Variants in MDGA2 observed in about 807,000 individuals in gnomAD.
MDGA2 encodes MAM domain containing glycosylphosphatidylinositol anchor 2, also known as MAM domain-containing glycosylphosphatidylinositol anchor protein 2.
In MDGA2, 40 loss-of-function variants were observed where a neutral mutation model predicts 117.8. The observed-to-expected ratio is 0.34, with a 90% CI of 0.26 to 0.44. MDGA2 has a LOEUF of 0.44. MDGA2 is among the 20% of genes least tolerant of loss of function. The pLI is 1.00. For missense variants in MDGA2, 1,123 were observed against 1,250.6 expected (o/e 0.90, Z 1.54); for synonymous variants, 452 against 439.0 (o/e 1.03, Z -0.37).
intron 1 of MDGA2, among the ~76,000 whole-genome samples, chr14:47,413,529 A>G (rs1365514967): frequency 6.6e-6 from 1 of 152,212 alleles, no homozygotes; most frequent in Non-Finnish European, 1.5e-5. Context: ...TTTGCTAAAT[A>G]ATTGGAAAGA....
intron 3 of MDGA2, among the ~76,000 whole-genome samples, chr14:47,155,413 C>G (rs1422942670): frequency 1.3e-5 from 2 of 152,094 alleles, no homozygotes; most frequent in African/African-American, 4.8e-5. Context: ...AAACCCAGAC[C>G]TAGCAGCTCC....
chr14:47,626,176 C>A (rs1897135202), intron 1 of MDGA2, among the ~76,000 whole-genome samples: 1 of 152,196 alleles, frequency 6.6e-6, no homozygotes, highest in Non-Finnish European at 1.5e-5. Flanking sequence ...AGGCTGAATC[C>A]ATTTTCTACA....
At chr14:47,182,378 G>A (rs1443743080) in intron 3 of MDGA2, among the ~76,000 whole-genome samples, 1 of 152,052 alleles carries the variant, frequency 6.6e-6, no homozygotes. Context: ...CTTTAAGGAT[G>A]TAATTAAAGT....
At chr14:47,497,744 A>T (rs1566485839) in intron 1 of MDGA2, among the ~76,000 whole-genome samples, 2 of 152,198 alleles carry the variant, frequency 1.3e-5, no homozygotes, top group African/African-American at 4.8e-5. Flanking sequence ...AATAAAATTT[A>T]AAAATAAACA....
intron 9 of MDGA2, among the ~76,000 whole-genome samples, chr14:46,949,644 A>G (rs987258150): frequency 1.3e-5 from 2 of 152,022 alleles, no homozygotes; most frequent in Admixed American, 1.3e-4. Context: ...CACTTAGAAT[A>G]ATGGCTTCCA....
chr14:47,395,408 T>C (rs1891986523), intron 1 of MDGA2, among the ~76,000 whole-genome samples: 1 of 152,202 alleles, frequency 6.6e-6, no homozygotes. Context: ...ATGAGGCATA[T>C]TATAATATAT....
chr14:47,081,015 G>A (rs1441379056), intron 6 of MDGA2, among the ~76,000 whole-genome samples: 1 of 151,910 alleles, frequency 6.6e-6, no homozygotes, highest in African/African-American at 2.4e-5. Flanking sequence ...GCCAAAATGT[G>A]CCTTCTTACT....
chr14:47,037,591 A>G (rs903075693), intron 7 of MDGA2, among the ~76,000 whole-genome samples: 5 of 152,158 alleles, frequency 3.3e-5, no homozygotes, highest in African/African-American at 1.2e-4. Flanking sequence ...TACAGTAAGT[A>G]TTTTGCAAAT....
At chr14:47,177,969 A>C (rs1046115454) in intron 3 of MDGA2, among the ~76,000 whole-genome samples, 1 of 152,134 alleles carries the variant, frequency 6.6e-6, no homozygotes, top group Admixed American at 6.6e-5. Flanking sequence ...GCAAATATAT[A>C]TAGTAATATT....
At position 47,024,955 on chromosome 14, in the gene MDGA2, C is replaced by T. The variant is rs141129281; in HGVS notation, c.1819+10056G>A. Among the ~76,000 whole-genome samples the T allele has an allele frequency of 7.9e-5, 12 of 152,276 alleles. No homozygotes were observed. In the East Asian group the frequency reaches 2.3e-3, roughly 29 times the overall value. ...CATGGAACAGCATGAAATACAGCTA[C>T]TCCCTGCCAAACCCAGACACAAAGC... On this transcript the variant is annotated intron_variant, in intron 8 of 16. Transcript: ENST00000399232.
At chr14:47,208,779 A>G (rs1885778651) in intron 3 of MDGA2, among the ~76,000 whole-genome samples, 1 of 151,938 alleles carries the variant, frequency 6.6e-6, no homozygotes, top group African/African-American at 2.4e-5. Context: ...CCATAGATTT[A>G]CTTCTTTTAA....
At chr14:47,470,117 T>TA (rs201257975) in intron 1 of MDGA2, among the ~76,000 whole-genome samples, 3,320 of 95,308 alleles carry the variant, frequency 0.035, 68 homozygotes, top group African/African-American at 0.072. Flanking sequence ...TTTATTTATT[T>TA]TTATTTTTTT....
chr14:47,010,112 T>C (rs1428642372), intron 8 of MDGA2, among the ~76,000 whole-genome samples: 4 of 152,092 alleles, frequency 2.6e-5, no homozygotes, highest in Admixed American at 6.6e-5. Flanking sequence ...TGTGGCATCT[T>C]TGCCTTTACT....
chr14:47,093,646 A>G (rs1392025138), intron 6 of MDGA2, among the ~76,000 whole-genome samples: 4 of 152,154 alleles, frequency 2.6e-5, no homozygotes, highest in Non-Finnish European at 4.4e-5. Flanking sequence ...ATGTTCTCCC[A>G]AAGTAGTAAA....
At chr14:47,021,823 G>A (rs1352877966) in intron 8 of MDGA2, among the ~76,000 whole-genome samples, 1 of 152,072 alleles carries the variant, frequency 6.6e-6, no homozygotes, top group African/African-American at 2.4e-5. Context: ...ATTAAAATTG[G>A]CACTGCTAGA....
Position 47,306,582 on chromosome 14 carries a change from C to T in MDGA2, c.281-5032G>A, listed in dbSNP as rs182406750. The stretch of plus-strand genomic sequence containing the variant: ...GTTTTTTAGTTAAATCTCTCAAATC[C>T]CTCACGCAGCTATTCTCTGGGAATT... On this transcript the variant is annotated intron_variant, in intron 1 of 16. Transcript: ENST00000399232. 3.9e-5 allele frequency among the ~76,000 whole-genome samples: 6 copies of T among 152,270 alleles called. No individual in the cohort carries two copies. In the East Asian group the frequency reaches 9.7e-4, roughly 25 times the overall value.
At chr14:47,360,580 T>C (rs1891098625) in intron 1 of MDGA2, among the ~76,000 whole-genome samples, 1 of 152,052 alleles carries the variant, frequency 6.6e-6, no homozygotes, top group Non-Finnish European at 1.5e-5. Flanking sequence ...TAACAAGTAT[T>C]GACAAGGGTA....
At chr14:46,908,347 T>C (rs747278908) in intron 10 of MDGA2, among the ~76,000 whole-genome samples, 2 of 152,208 alleles carry the variant, frequency 1.3e-5, no homozygotes, top group Non-Finnish European at 2.9e-5. Flanking sequence ...TGTGGCACTC[T>C]AACCCTGATC....
At chr14:47,312,540 C>G in intron 1 of MDGA2, among the ~76,000 whole-genome samples, 1 of 151,788 alleles carries the variant, frequency 6.6e-6, no homozygotes, top group East Asian at 1.9e-4. Flanking sequence ...CATGACAGTC[C>G]TTTTTGTTTT....
Sources: gnomAD v4.1 joint callset for allele counts (sites outside exome capture counted in the v4.1 genomes callset) on GRCh38, gnomAD v4.1.1 for gene constraint, MANE v1.5 for transcripts, NCBI Gene and HGNC (gene_info 2026-07-23, HGNC 2026-07-21) for gene names.